KCNIP4: variants seen among roughly 807,000 people sequenced by gnomAD.
The protein encoded by KCNIP4 is potassium voltage-gated channel interacting protein 4.
Under a neutral mutation model 34.0 loss-of-function variants are expected in KCNIP4, and 12 were observed. The ratio of observed to expected loss-of-function variants is 0.35; its 90% confidence interval spans 0.23 to 0.57. KCNIP4 has a LOEUF of 0.57. Among genes scored for constraint, KCNIP4 ranks in the 20% least tolerant of loss-of-function variants. The pLI is 0.83. For synonymous variants in KCNIP4, 124 were observed against 102.2 expected (o/e 1.21, Z -1.29); for missense variants, 238 against 311.7 (o/e 0.76, Z 1.78).
chr4:21,328,328 C>G lies in KCNIP4; in HGVS notation c.62-445619G>C, dbSNP rs1715291312. 2.0e-5 allele frequency among the ~76,000 whole-genome samples: 3 copies of G among 152,194 alleles called. No individual in the cohort carries two copies. In the South Asian group the frequency reaches 6.2e-4, roughly 31 times the overall value. Reference sequence around the variant, plus strand: ...TGGCTCTTGCAGATTCATGGAGATACTGCCTTGGTGGTCTCAGATAATTTC... The same window carrying G: ...TGGCTCTTGCAGATTCATGGAGATAGTGCCTTGGTGGTCTCAGATAATTTC... On this transcript the variant is annotated intron_variant, in intron 1 of 8. Transcript: ENST00000382152.
intron 1 of KCNIP4, among the ~76,000 whole-genome samples, chr4:21,028,170 C>T (rs765426382): frequency 2.7e-5 from 4 of 149,648 alleles, no homozygotes; most frequent in Non-Finnish European, 4.4e-5. Context: ...TCTCTCCCCT[C>T]CCCCCCAATT....
chr4:21,485,763 T>G (rs1356292446), intron 1 of KCNIP4, among the ~76,000 whole-genome samples: 1 of 152,194 alleles, frequency 6.6e-6, no homozygotes, highest in Non-Finnish European at 1.5e-5. Context: ...TGTCATTGTT[T>G]ATCACATTTC....
intron 1 of KCNIP4, among the ~76,000 whole-genome samples, chr4:20,940,031 C>T (rs903754260): frequency 1.3e-5 from 2 of 152,184 alleles, no homozygotes; most frequent in African/African-American, 4.8e-5. Context: ...AGACTTATTT[C>T]TTACAACTGC....
intron 1 of KCNIP4, among the ~76,000 whole-genome samples, chr4:21,662,914 G>T (rs1372940370): frequency 6.6e-6 from 1 of 152,118 alleles, no homozygotes; most frequent in Non-Finnish European, 1.5e-5. Flanking sequence ...AAAATAAAAT[G>T]CAAAGATATA....
chr4:21,323,640 T>A (rs567165523), intron 1 of KCNIP4, among the ~76,000 whole-genome samples: 1 of 152,192 alleles, frequency 6.6e-6, no homozygotes, highest in African/African-American at 2.4e-5. Flanking sequence ...GTTAATGTAC[T>A]ACATTTCCTT....
chr4:20,745,427 C>T (rs1373476196), intron 5 of KCNIP4, among the ~76,000 whole-genome samples: 2 of 152,108 alleles, frequency 1.3e-5, no homozygotes, highest in Non-Finnish European at 2.9e-5. Context: ...GATATCTTTT[C>T]GTGCAAAAGA....
intron 1 of KCNIP4, among the ~76,000 whole-genome samples, chr4:21,331,352 C>T (rs981138337): frequency 6.6e-6 from 1 of 152,084 alleles, no homozygotes; most frequent in Non-Finnish European, 1.5e-5. Context: ...TTCTCCCTCT[C>T]TCTCAATCCT....
At chr4:21,293,692 A>G (rs13111323) in intron 1 of KCNIP4, among the ~76,000 whole-genome samples, 39,607 of 152,152 alleles carry the variant, frequency 0.26, 5,929 homozygotes, top group Middle Eastern at 0.37. Context: ...TAAGATTACA[A>G]CAGGAGCAGA....
chr4:20,954,573 C>T (rs1733106554), intron 1 of KCNIP4, among the ~76,000 whole-genome samples: 1 of 152,058 alleles, frequency 6.6e-6, no homozygotes, highest in South Asian at 2.1e-4. Context: ...AACAAGAGTG[C>T]CACAAGACAT....
chr4:21,426,234 C>T (rs1560393788), intron 1 of KCNIP4, among the ~76,000 whole-genome samples: 2 of 152,114 alleles, frequency 1.3e-5, no homozygotes, highest in African/African-American at 4.8e-5. Flanking sequence ...CCACCAAAAG[C>T]AAAGGCATAG....
intron 1 of KCNIP4, among the ~76,000 whole-genome samples, chr4:21,513,784 G>T (rs1156599101): frequency 6.6e-6 from 1 of 152,068 alleles, no homozygotes; most frequent in African/African-American, 2.4e-5. Flanking sequence ...CTGTCATTTA[G>T]ATAACCACAA....
In KCNIP4 at chr4:21,097,784, C is replaced by T. The variant is rs60819371; in HGVS notation, c.62-215075G>A. 5.1e-3 allele frequency among the ~76,000 whole-genome samples: 773 copies of T among 152,208 alleles called. 6 individuals carry two copies. The highest frequency in any genetic ancestry group is 0.017 in the African/African-American group (703 of 41,530). On this transcript the variant is annotated intron_variant, in intron 1 of 8. Coordinates refer to ENST00000382152, the MANE Select transcript of KCNIP4 (RefSeq NM_025221.6). ...GAAATTAGACCAATTAATAATGCTA[C>T]AATGGCCTGTAAATGTTTAAGGGCA...
chr4:21,357,852 A>G (rs982283829), intron 1 of KCNIP4, among the ~76,000 whole-genome samples: 2 of 152,210 alleles, frequency 1.3e-5, no homozygotes, highest in Admixed American at 6.5e-5. Flanking sequence ...TTATGCTACT[A>G]TGAAGACACA....
Position 21,355,401 on chromosome 4 carries a change from G to A in KCNIP4, c.62-472692C>T, listed in dbSNP as rs146853511. Among the ~76,000 whole-genome samples the A allele has an allele frequency of 1.1e-3, 160 of 152,004 alleles. No homozygotes were observed. The East Asian group carries it at 0.023, about 22-fold the overall frequency. On this transcript the variant is annotated intron_variant, in intron 1 of 8. Coordinates refer to ENST00000382152, the MANE Select transcript of KCNIP4 (RefSeq NM_025221.6). ...AAAGACCAAACAAAATTGATAAAAC[G>A]CTAGCAAGACTAATAAGAAGAAAAG...
chr4:21,157,363 A>G (rs994775819), intron 1 of KCNIP4, among the ~76,000 whole-genome samples: 1 of 151,988 alleles, frequency 6.6e-6, no homozygotes, highest in Non-Finnish European at 1.5e-5. Context: ...TTTCTTTCTA[A>G]CAGTTCATAA....
At chr4:21,311,230 G>C (rs987578496) in intron 1 of KCNIP4, among the ~76,000 whole-genome samples, 14 of 152,180 alleles carry the variant, frequency 9.2e-5, no homozygotes, top group Admixed American at 9.2e-4. Context: ...AATGAACCAA[G>C]TACTATTATT....
At chr4:21,113,197 A>G (rs1749375033) in intron 1 of KCNIP4, among the ~76,000 whole-genome samples, 1 of 152,238 alleles carries the variant, frequency 6.6e-6, no homozygotes, top group African/African-American at 2.4e-5. Flanking sequence ...TGCAGAAGGC[A>G]ATGGAACAAT....
chr4:20,944,132 T>A (rs780774436), intron 1 of KCNIP4, among the ~76,000 whole-genome samples: 1 of 152,162 alleles, frequency 6.6e-6, no homozygotes, highest in African/African-American at 2.4e-5. Context: ...AGCCCCTAGC[T>A]CCATTCCTGT....
chr4:21,043,419 T>C (rs1470977255), intron 1 of KCNIP4, among the ~76,000 whole-genome samples: 1 of 152,146 alleles, frequency 6.6e-6, no homozygotes, highest in Non-Finnish European at 1.5e-5. Context: ...AACATCTGCC[T>C]CCCGGGTTCA....
Sources: gnomAD v4.1 joint callset for allele counts (sites outside exome capture counted in the v4.1 genomes callset) on GRCh38, gnomAD v4.1.1 for gene constraint, MANE v1.5 for transcripts, NCBI Gene and HGNC (gene_info 2026-07-23, HGNC 2026-07-21) for gene names.